PDE1C: variants seen among roughly 807,000 people sequenced by gnomAD.
PDE1C encodes the protein phosphodiesterase 1C, also known as dual specificity calcium/calmodulin-dependent 3',5'-cyclic nucleotide phosphodiesterase 1C.
In PDE1C, 62 loss-of-function variants were observed where a neutral mutation model predicts 93.1. The observed-to-expected ratio is 0.67, with a 90% confidence interval of 0.54 to 0.82. The LOEUF is 0.82. Ranked by LOEUF, PDE1C falls within the 40% of genes least tolerant of loss-of-function variation. The probability of loss-of-function intolerance (pLI) is 0.00; values close to 1 mark genes in which losing one functional copy is unlikely to be tolerated. For missense variants in PDE1C, 742 were observed against 884.6 expected (o/e 0.84, Z 2.04); for synonymous variants, 325 against 310.1 (o/e 1.05, Z -0.50).
intron 2 of PDE1C, among the ~76,000 whole-genome samples, chr7:31,989,124 GGAAAA>G (rs1260423450): frequency 6.6e-6 from 1 of 150,446 alleles, no homozygotes; most frequent in Non-Finnish European, 1.5e-5. Flanking sequence ...GAAAGAAAGA[GGAAAA>G]GAAAAGAAAG....
At chr7:32,133,371 G>C (rs1044838508) in intron 3 of PDE1C, among the ~76,000 whole-genome samples, 2 of 152,190 alleles carry the variant, frequency 1.3e-5, no homozygotes, top group Non-Finnish European at 2.9e-5. Flanking sequence ...CACCAGTACA[G>C]AGTAAATTCT....
At chr7:31,831,179 T>C (rs1790334579) in intron 11 of PDE1C, among the ~76,000 whole-genome samples, 1 of 152,186 alleles carries the variant, frequency 6.6e-6, no homozygotes, top group Admixed American at 6.5e-5. Context: ...ATATTCTTCT[T>C]TCCCAGGGGA....
rs1024354985 is a variant in PDE1C, at chr7:31,823,009, A to G, written c.1582+64T>C. 7.3e-6 allele frequency: 10 copies of G among 1,366,662 alleles called. No homozygotes were observed. The African/African-American group carries it at 1.5e-4, about 20-fold the overall frequency. 84.7% of individuals were successfully genotyped at this position (1,366,662 alleles called of 1,614,324 possible). On this transcript the variant is annotated intron_variant, in intron 14 of 17. Coordinates refer to ENST00000396191, the MANE Select transcript of PDE1C (RefSeq NM_001191057.4). Reference sequence around the variant, plus strand: ...CAACTGTGCTTTATTTGTAACACACATAACTCAGAGAGGACAACCTTGTTT... The same window carrying G: ...CAACTGTGCTTTATTTGTAACACACGTAACTCAGAGAGGACAACCTTGTTT...
At chr7:31,793,398 A>G (rs554508967) in intron 16 of PDE1C, among the ~76,000 whole-genome samples, 11 of 152,160 alleles carry the variant, frequency 7.2e-5, no homozygotes, top group Non-Finnish European at 2.9e-5. Context: ...ATGTTTTTAC[A>G]GCCTGATTCA....
chr7:31,936,035 CTA>C (rs1453629371), intron 2 of PDE1C, among the ~76,000 whole-genome samples: 7 of 152,212 alleles, frequency 4.6e-5, no homozygotes, highest in Admixed American at 4.6e-4. Context: ...ACAGCAACCT[CTA>C]TCAAAGTTTC....
At position 32,363,022 on chromosome 7, in the gene PDE1C, C is replaced by A. The variant is rs535029300; in HGVS notation, c.310+64800G>T. 2.6e-5 allele frequency among the ~76,000 whole-genome samples: 4 copies of A among 152,298 alleles called. No individual in the cohort carries two copies. In the East Asian group the frequency reaches 7.7e-4, roughly 29 times the overall value. On this transcript the variant is annotated intron_variant, in intron 1 of 1. Coordinates refer to the PDE1C transcript ENST00000672256. ...TTCATTCACAGCAAACACATAATAACAATAGCTAGTATCAATAGAGCATTC... is the reference window on the plus strand; with the variant it reads ...TTCATTCACAGCAAACACATAATAAAAATAGCTAGTATCAATAGAGCATTC...
chr7:31,875,944 G>A (rs1347001959), intron 5 of PDE1C, among the ~76,000 whole-genome samples: 1 of 150,374 alleles, frequency 6.7e-6, no homozygotes, highest in Non-Finnish European at 1.5e-5. Flanking sequence ...TAACCACAAA[G>A]GTTAACATGA....
At chr7:31,730,492 C>T in the PDE1C span, among the ~76,000 whole-genome samples, 1 of 152,222 alleles carries the variant, frequency 6.6e-6, no homozygotes, top group Non-Finnish European at 1.5e-5. Flanking sequence ...GTGTTTGTCT[C>T]AGTCTGATCT....
intron 16 of PDE1C, chr7:31,788,175 A>G (rs1166327542): frequency 1.3e-5 from 2 of 152,202 alleles, no homozygotes; most frequent in Non-Finnish European, 2.9e-5. Flanking sequence ...AGATTATAAA[A>G]TGGAAGCTGT....
At chr7:31,658,424 T>C in the PDE1C span, 519 of 1,475,894 alleles carry the variant, frequency 3.5e-4, 3 homozygotes, top group African/African-American at 6.4e-3. Flanking sequence ...ATAATCAGTT[T>C]CCAGAGTATA....
At chr7:32,122,438 C>T (rs191213687) in intron 3 of PDE1C, among the ~76,000 whole-genome samples, 1 of 152,300 alleles carries the variant, frequency 6.6e-6, no homozygotes, top group East Asian at 1.9e-4. Flanking sequence ...CCACATGGGA[C>T]TTATTCTAAA....
At chr7:31,658,234 A>G in the PDE1C span, 1 of 1,467,732 alleles carries the variant, frequency 6.8e-7, no homozygotes, top group Non-Finnish European at 9.0e-7. Flanking sequence ...AAAATGTTGC[A>G]TTAGGTTTTG....
chr7:32,333,367 G>A (rs775201174), intron 1 of PDE1C, among the ~76,000 whole-genome samples: 8 of 152,208 alleles, frequency 5.3e-5, no homozygotes, highest in Admixed American at 2.6e-4. Context: ...TTAAACAAGC[G>A]TATATGTACA....
At chr7:31,892,923 C>T (rs1489704448) in intron 2 of PDE1C, among the ~76,000 whole-genome samples, 1 of 151,950 alleles carries the variant, frequency 6.6e-6, no homozygotes, top group Non-Finnish European at 1.5e-5. Flanking sequence ...AATGTTCTCA[C>T]CATAAAAAAT....
the PDE1C span, among the ~76,000 whole-genome samples, chr7:31,716,492 T>G: frequency 1.3e-5 from 2 of 152,216 alleles, no homozygotes; most frequent in African/African-American, 4.8e-5. Context: ...ATACTGATCA[T>G]ATATTAACTG....
At position 31,775,702 on chromosome 7, in the gene PDE1C, G is replaced by A. The variant is rs1268242230; in HGVS notation, c.1922C>T (p.Ala641Val). 6.2e-7 allele frequency: 1 copy of A among 1,612,862 alleles called. No individual in the cohort carries two copies. The highest frequency in any genetic ancestry group is 1.1e-5 in the South Asian group (1 of 91,082). The change falls in exon 17 of 18, where the codon GCC (alanine) becomes GTC (valine). Residue 641 changes from alanine (A) to valine (V), a missense_variant. Ala to Val is a moderately conservative substitution (Grantham distance 64, BLOSUM62 0). Coordinates refer to ENST00000396191, the MANE Select transcript of PDE1C (RefSeq NM_001191057.4). Reference protein sequence around the residue: ...GTKQRSHGSPAPSTSSTCRLT... With the variant: ...GTKQRSHGSPVPSTSSTCRLT... The stretch of plus-strand genomic sequence containing the variant: ...GCGACACGTGGAGCTGGTGCTTGGG[G>A]CTGGTGAGCCGTGAGAACGCTGTTT...
At chr7:32,322,594 A>T (rs1192378455) in intron 1 of PDE1C, among the ~76,000 whole-genome samples, 1 of 149,798 alleles carries the variant, frequency 6.7e-6, no homozygotes, top group South Asian at 2.2e-4. Context: ...ACAGAGCAAG[A>T]TCCCATCTCT....
At chr7:31,843,631 C>T (rs1339762218) in intron 9 of PDE1C, among the ~76,000 whole-genome samples, 1 of 151,748 alleles carries the variant, frequency 6.6e-6, no homozygotes. Context: ...TTTATCAATT[C>T]TAATAACCTT....
rs560919023 is a variant in PDE1C, at chr7:32,416,268, T to C, written c.310+11554A>G. 4.6e-5 allele frequency among the ~76,000 whole-genome samples: 7 copies of C among 152,308 alleles called. No individual in the cohort carries two copies. The South Asian group carries it at 1.5e-3, about 32-fold the overall frequency. ...TCTGATTCCCCCTGGACACAGAGAC[T>C]CCGTGGGTGCTCAGGGAATGCCCCG... On this transcript the variant is annotated intron_variant, in intron 1 of 1. Transcript: ENST00000672256.
Sources: gnomAD v4.1 joint callset for allele counts (sites outside exome capture counted in the v4.1 genomes callset) on GRCh38, gnomAD v4.1.1 for gene constraint, MANE v1.5 for transcripts, NCBI Gene and HGNC (gene_info 2026-07-23, HGNC 2026-07-21) for gene names.